The following NALF1 variants were observed in gnomAD, a reference collection of about 807,000 sequenced individuals.
NALF1 encodes family with sequence similarity 155 member A.
NALF1 carries 3 observed loss-of-function variants against 48.4 expected under a neutral mutation model. That is an observed-to-expected ratio of 0.06 (90% confidence interval 0.03 to 0.16). NALF1 has a LOEUF of 0.16. Among genes scored for constraint, NALF1 ranks in the 10% least tolerant of loss-of-function variants. The probability of loss-of-function intolerance (pLI) is 1.00; values close to 1 mark genes in which losing one functional copy is unlikely to be tolerated. For synonymous variants in NALF1, 262 were observed against 245.7 expected (o/e 1.07, Z -0.62); for missense variants, 526 against 571.5 (o/e 0.92, Z 0.81).
intron 1 of NALF1, among the ~76,000 whole-genome samples, chr13:107,685,704 T>A (rs1287562453): frequency 6.6e-6 from 1 of 152,208 alleles, no homozygotes; most frequent in Non-Finnish European, 1.5e-5. Flanking sequence ...AATGGATCGA[T>A]GGATCTCTAA....
At chr13:107,564,553 C>T (rs75443433) in intron 1 of NALF1, among the ~76,000 whole-genome samples, 1 of 152,126 alleles carries the variant, frequency 6.6e-6, no homozygotes, top group Non-Finnish European at 1.5e-5. Flanking sequence ...GCCCCTAGTT[C>T]TTGGAGTTTT....
intron 1 of NALF1, among the ~76,000 whole-genome samples, chr13:107,813,058 A>G (rs73587745): frequency 0.055 from 8,339 of 152,196 alleles, 788 homozygotes; most frequent in African/African-American, 0.19. Flanking sequence ...CCTGGATAAC[A>G]TTATTATGAT....
At chr13:107,560,125 T>A (rs1255921832) in intron 1 of NALF1, among the ~76,000 whole-genome samples, 1 of 152,186 alleles carries the variant, frequency 6.6e-6, no homozygotes, top group African/African-American at 2.4e-5. Context: ...ACAAGCTGGT[T>A]TGGAAACATT....
chr13:107,444,463 T>A (rs373078092), intron 1 of NALF1, among the ~76,000 whole-genome samples: 1 of 152,112 alleles, frequency 6.6e-6, no homozygotes. Context: ...AGTTAAACTT[T>A]ATTTTCTCAT....
intron 1 of NALF1, among the ~76,000 whole-genome samples, chr13:107,436,294 A>G (rs2139021947): frequency 6.6e-6 from 1 of 152,318 alleles, no homozygotes; most frequent in East Asian, 1.9e-4. Context: ...AATTTACAAA[A>G]CATCTCCTTG....
intron 1 of NALF1, among the ~76,000 whole-genome samples, chr13:107,285,991 T>C (rs1029558063): frequency 1.3e-5 from 2 of 152,054 alleles, no homozygotes; most frequent in Non-Finnish European, 2.9e-5. Flanking sequence ...TGAAGAATAT[T>C]TGAAGAAATA....
intron 1 of NALF1, among the ~76,000 whole-genome samples, chr13:107,340,487 T>G (rs201770236): frequency 2.7e-5 from 1 of 36,820 alleles, no homozygotes; most frequent in African/African-American, 4.4e-5. Flanking sequence ...CTTTCTTTCT[T>G]TTTGTCTTTC....
intron 1 of NALF1, among the ~76,000 whole-genome samples, chr13:107,394,726 T>C (rs1277613529): frequency 6.6e-6 from 1 of 152,130 alleles, no homozygotes; most frequent in African/African-American, 2.4e-5. Flanking sequence ...AAACTTTTCA[T>C]AGGAGAAAAA....
chr13:107,279,018 G>A (rs1881334026), intron 1 of NALF1, among the ~76,000 whole-genome samples: 1 of 146,662 alleles, frequency 6.8e-6, no homozygotes, highest in Middle Eastern at 3.6e-3. Context: ...ATTCATTCAG[G>A]TCTTTCCTTT....
intron 2 of NALF1, among the ~76,000 whole-genome samples, chr13:107,196,175 G>A (rs888706849): frequency 2.6e-5 from 4 of 152,152 alleles, no homozygotes; most frequent in African/African-American, 9.7e-5. Flanking sequence ...GAAGGGAGAG[G>A]ATCAGGAAAA....
intron 1 of NALF1, among the ~76,000 whole-genome samples, chr13:107,429,307 A>T (rs1045465365): frequency 2.0e-5 from 3 of 149,504 alleles, no homozygotes; most frequent in African/African-American, 7.4e-5. Context: ...GGGCAACAAG[A>T]GTAAAACTCA....
intron 1 of NALF1, among the ~76,000 whole-genome samples, chr13:107,235,020 G>C (rs922347645): frequency 6.6e-6 from 1 of 152,076 alleles, no homozygotes; most frequent in African/African-American, 2.4e-5. Flanking sequence ...TCCCCATTTA[G>C]CCTTCCTTTG....
At chr13:107,865,150 C>G (rs1703598) in intron 1 of NALF1, among the ~76,000 whole-genome samples, 3 of 151,922 alleles carry the variant, frequency 2.0e-5, no homozygotes, top group Non-Finnish European at 4.4e-5. Flanking sequence ...ACAACCAGAA[C>G]TACCCCTGTA....
At chr13:107,828,583 C>G (rs1365210539) in intron 1 of NALF1, among the ~76,000 whole-genome samples, 3 of 102,642 alleles carry the variant, frequency 2.9e-5, no homozygotes, top group African/African-American at 9.5e-5. Flanking sequence ...ATCTATCTAT[C>G]TATCTATCTA....
At chr13:107,643,289 A>C (rs573002271) in intron 1 of NALF1, among the ~76,000 whole-genome samples, 1 of 152,348 alleles carries the variant, frequency 6.6e-6, no homozygotes, top group South Asian at 2.1e-4. Context: ...GAGGTGGCTA[A>C]CTGAATGAAA....
chr13:107,513,752 C>G (rs1875969721), intron 1 of NALF1, among the ~76,000 whole-genome samples: 2 of 152,148 alleles, frequency 1.3e-5, no homozygotes, highest in African/African-American at 4.8e-5. Flanking sequence ...CAGAAAGAGG[C>G]TTGGACCTGC....
chr13:107,536,970 T>G (rs1420497341), intron 1 of NALF1, among the ~76,000 whole-genome samples: 1 of 152,082 alleles, frequency 6.6e-6, no homozygotes, highest in African/African-American at 2.4e-5. Flanking sequence ...CTCAGCAAAC[T>G]ATCACAGGGA....
At chr13:107,399,365 G>C (rs973704697) in intron 1 of NALF1, among the ~76,000 whole-genome samples, 1 of 152,066 alleles carries the variant, frequency 6.6e-6, no homozygotes, top group African/African-American at 2.4e-5. Flanking sequence ...ACTCATAATA[G>C]AGTAAAATGA....
intron 1 of NALF1, among the ~76,000 whole-genome samples, chr13:107,756,811 A>G (rs934480444): frequency 6.6e-6 from 1 of 152,100 alleles, no homozygotes; most frequent in African/African-American, 2.4e-5. Flanking sequence ...CACATAATAA[A>G]CAAGCACAGA....
Sources: allele counts gnomAD v4.1 joint callset (sites outside exome capture counted in the v4.1 genomes callset), GRCh38; gene constraint gnomAD v4.1.1; transcripts MANE v1.5; gene names NCBI Gene and HGNC (gene_info 2026-07-23, HGNC 2026-07-21).